Variants in WDFY2 observed in about 807,000 individuals in gnomAD.
The protein encoded by WDFY2 is WD repeat and FYVE domain containing 2.
Under a neutral mutation model 56.4 loss-of-function variants are expected in WDFY2, and 36 were observed. The observed-to-expected ratio is 0.64, with a 90% CI of 0.49 to 0.84. The LOEUF is 0.84. Ranked by LOEUF, WDFY2 falls within the 40% of genes least tolerant of loss-of-function variation. WDFY2 has a pLI of 0.00. For missense variants in WDFY2, 444 were observed against 512.2 expected (o/e 0.87, Z 1.29); for synonymous variants, 176 against 183.7 (o/e 0.96, Z 0.34).
intron 4 of WDFY2, among the ~76,000 whole-genome samples, chr13:51,712,302 T>TG (rs1244897230): frequency 6.6e-6 from 1 of 151,976 alleles, no homozygotes; most frequent in Non-Finnish European, 1.5e-5. Flanking sequence ...TATCGTGGTG[T>TG]GGGGGGAGCG....
chr13:51,620,672 C>T (rs1452707031), intron 1 of WDFY2, among the ~76,000 whole-genome samples: 1 of 152,148 alleles, frequency 6.6e-6, no homozygotes, highest in East Asian at 1.9e-4. Context: ...AGGAAGGATA[C>T]ACTCTAGCCA....
intron 1 of WDFY2, among the ~76,000 whole-genome samples, chr13:51,645,186 T>C (rs1955241739): frequency 6.6e-6 from 1 of 152,128 alleles, no homozygotes; most frequent in Non-Finnish European, 1.5e-5. Flanking sequence ...TACATCCTGT[T>C]GCTCAAAGTT....
intron 9 of WDFY2, among the ~76,000 whole-genome samples, chr13:51,755,791 CCTT>C (rs2138738344): frequency 6.6e-6 from 1 of 152,238 alleles, no homozygotes; most frequent in South Asian, 2.1e-4. Flanking sequence ...GTTTCTCTCT[CCTT>C]ATTTTACTTT....
intron 2 of WDFY2, among the ~76,000 whole-genome samples, chr13:51,666,217 C>T (rs142358030): frequency 6.6e-6 from 1 of 152,324 alleles, no homozygotes; most frequent in East Asian, 1.9e-4. Context: ...GGAGTTTTCC[C>T]ACTTGTGTTA....
chr13:51,627,632 C>T (rs189713466), intron 1 of WDFY2, among the ~76,000 whole-genome samples: 1 of 152,274 alleles, frequency 6.6e-6, no homozygotes, highest in African/African-American at 2.4e-5. Context: ...GGTCCGCCCG[C>T]TTTGGCCTCC....
At chr13:51,756,705 G>A in intron 10 of WDFY2, 1 of 943,534 alleles carries the variant, frequency 1.1e-6, no homozygotes, top group African/African-American at 1.8e-5. Flanking sequence ...TAGGTTATGT[G>A]CCTTTAAATT....
At chr13:51,590,672 G>A (rs1344512903) in intron 1 of WDFY2, 1 of 151,550 alleles carries the variant, frequency 6.6e-6, no homozygotes, top group Admixed American at 6.6e-5. Flanking sequence ...AGAATAGAAA[G>A]AATTTAAAAA....
intron 3 of WDFY2, among the ~76,000 whole-genome samples, chr13:51,688,170 T>C (rs1956092773): frequency 1.3e-5 from 2 of 152,190 alleles, no homozygotes; most frequent in Admixed American, 1.3e-4. Flanking sequence ...GTGTCTGTTC[T>C]GATTAGCCGG....
intron 2 of WDFY2, among the ~76,000 whole-genome samples, chr13:51,671,897 C>T (rs1023313327): frequency 6.6e-6 from 1 of 150,424 alleles, no homozygotes; most frequent in Non-Finnish European, 1.5e-5. Context: ...GATTCTCGTG[C>T]CTCAGCCTCC....
chr13:51,696,197 C>T (rs1285135807), intron 3 of WDFY2, among the ~76,000 whole-genome samples: 1 of 152,220 alleles, frequency 6.6e-6, no homozygotes, highest in Non-Finnish European at 1.5e-5. Context: ...CCTGCACCCA[C>T]TGTCTGGCAC....
Position 51,705,787 on chromosome 13 carries a change from C to A in WDFY2, c.334+2137C>A, listed in dbSNP as rs575510584. 5.9e-5 allele frequency among the ~76,000 whole-genome samples: 9 copies of A among 152,184 alleles called. No homozygotes were observed. In the East Asian group the frequency reaches 1.7e-3, roughly 29 times the overall value. ...GTATTGAGTTATTTTAAAGCTATAT[C>A]TTCAGTACTTTTGAAGCTGTTTCTT... On this transcript the variant is annotated intron_variant, in intron 4 of 11. Transcript: ENST00000298125.
intron 5 of WDFY2, among the ~76,000 whole-genome samples, chr13:51,719,746 G>A (rs535900680): frequency 2.0e-5 from 3 of 152,118 alleles, no homozygotes; most frequent in Non-Finnish European, 2.9e-5. Flanking sequence ...CATTCCCATT[G>A]GTGCCTGGGA....
intron 3 of WDFY2, among the ~76,000 whole-genome samples, chr13:51,700,591 CA>C (rs1447770931): frequency 6.6e-6 from 1 of 152,104 alleles, no homozygotes; most frequent in Non-Finnish European, 1.5e-5. Flanking sequence ...CTGCTGGAGA[CA>C]TATAAAGATA....
chr13:51,612,562 A>G (rs1954523719), intron 1 of WDFY2, among the ~76,000 whole-genome samples: 1 of 152,240 alleles, frequency 6.6e-6, no homozygotes, highest in Non-Finnish European at 1.5e-5. Flanking sequence ...TTGTAGATAC[A>G]TATGCCAAAA....
At chr13:51,652,675 G>C (rs1331192544) in intron 1 of WDFY2, among the ~76,000 whole-genome samples, 1 of 152,106 alleles carries the variant, frequency 6.6e-6, no homozygotes, top group Non-Finnish European at 1.5e-5. Context: ...GCTTAGTTTG[G>C]CTGGATATGA....
At position 51,754,549 on chromosome 13, in the gene WDFY2, G is replaced by C. The variant is rs192972923; in HGVS notation, c.832-809G>C. On this transcript the variant is annotated intron_variant, in intron 8 of 11. Transcript: ENST00000298125. ...CCCTTTTGGAGACAGAGGTAAAATA[G>C]TATCTCATTTTTATTTGCATTCTCT... is the stretch of plus-strand genomic sequence containing the variant. 3.5e-4 allele frequency among the ~76,000 whole-genome samples: 53 copies of C among 152,292 alleles called. 1 individual carries two copies. Among genetic ancestry groups the C allele is most frequent in the Admixed American group, 2.8e-3 (43 of 15,294 alleles).
intron 1 of WDFY2, among the ~76,000 whole-genome samples, chr13:51,645,633 C>T (rs77201672): frequency 0.051 from 7,754 of 152,118 alleles, 244 homozygotes; most frequent in Middle Eastern, 0.085. Flanking sequence ...TTATGATGAC[C>T]TTATTTTCTG....
chr13:51,645,670 T>A (rs1213691322), intron 1 of WDFY2, among the ~76,000 whole-genome samples: 2 of 152,168 alleles, frequency 1.3e-5, no homozygotes, highest in African/African-American at 4.8e-5. Flanking sequence ...ATATTTTGTG[T>A]CTGTAAAGTA....
At chr13:51,619,072 C>T (rs918208839) in intron 1 of WDFY2, among the ~76,000 whole-genome samples, 1 of 152,238 alleles carries the variant, frequency 6.6e-6, no homozygotes, top group African/African-American at 2.4e-5. Context: ...GTGTGCCTCA[C>T]TGTCTTTCTT....
Sources: gnomAD v4.1 joint callset for allele counts (sites outside exome capture counted in the v4.1 genomes callset) on GRCh38, gnomAD v4.1.1 for gene constraint, MANE v1.5 for transcripts, NCBI Gene and HGNC (gene_info 2026-07-23, HGNC 2026-07-21) for gene names.